The following STAG1 variants were observed in gnomAD, a reference collection of about 807,000 sequenced individuals.
STAG1 encodes the protein STAG1 cohesin complex component, also known as cohesin subunit SA-1.
In STAG1, 26 loss-of-function variants were observed where a neutral mutation model predicts 170.9. That is an observed-to-expected ratio of 0.15 (90% CI 0.11 to 0.21). The LOEUF is 0.21. STAG1 is among the 10% of genes least tolerant of loss of function. The pLI is 1.00. For synonymous variants in STAG1, 514 were observed against 497.7 expected, an observed-to-expected ratio of 1.03 and a Z score of -0.44; for missense variants, 964 against 1,509.5, an observed-to-expected ratio of 0.64 and a Z score of 5.99.
rs570599585 is a variant in STAG1, at chr3:136,685,071, T to C, written c.-83-54090A>G. Among the ~76,000 whole-genome samples the C allele has an allele frequency of 5.5e-4, 84 of 152,222 alleles. No individual in the cohort carries two copies. In the Middle Eastern group the frequency reaches 0.01, roughly 18 times the overall value. On this transcript the variant is annotated intron_variant, in intron 1 of 33. Coordinates refer to ENST00000383202, the MANE Select transcript of STAG1 (RefSeq NM_005862.3). ...GGCTCACGCCTGTAATCCCAGCACT[T>C]TGGGAAGCCAAGGCAGGTGGATCAC...
At chr3:136,549,907 TTGTC>T (rs1384308485) in intron 5 of STAG1, among the ~76,000 whole-genome samples, 3 of 152,218 alleles carry the variant, frequency 2.0e-5, no homozygotes, top group Admixed American at 6.5e-5. Flanking sequence ...ATAAAACTCT[TTGTC>T]TGGTATCTAC....
chr3:136,551,413 C>G (rs956182342), intron 5 of STAG1, among the ~76,000 whole-genome samples: 2 of 140,182 alleles, frequency 1.4e-5, no homozygotes, highest in African/African-American at 5.3e-5. Context: ...AGGCAGGCAT[C>G]AATACATCTG....
intron 1 of STAG1, among the ~76,000 whole-genome samples, chr3:136,731,329 G>A (rs929825682): frequency 1.3e-5 from 2 of 151,982 alleles, no homozygotes; most frequent in South Asian, 4.1e-4. Context: ...TCTTTTGTAA[G>A]AATTAGAAAA....
At chr3:136,657,033 T>C (rs919270734) in intron 1 of STAG1, among the ~76,000 whole-genome samples, 5 of 151,786 alleles carry the variant, frequency 3.3e-5, no homozygotes, top group African/African-American at 1.2e-4. Context: ...AACAATGTCC[T>C]ATAAATGGAG....
intron 4 of STAG1, among the ~76,000 whole-genome samples, chr3:136,573,755 G>A (rs1044649843): frequency 1.3e-5 from 2 of 151,944 alleles, no homozygotes; most frequent in African/African-American, 2.4e-5. Context: ...GGCGGATCAC[G>A]AGGTCAGGAG....
chr3:136,376,335 T>C (rs1021347324), intron 23 of STAG1, among the ~76,000 whole-genome samples: 6 of 152,200 alleles, frequency 3.9e-5, no homozygotes, highest in African/African-American at 9.7e-5. Context: ...TTTTAAAAAA[T>C]AGTTTACAAA....
chr3:136,428,276 C>CT (rs200107272), intron 16 of STAG1, among the ~76,000 whole-genome samples: 2 of 152,130 alleles, frequency 1.3e-5, no homozygotes, highest in South Asian at 2.1e-4. Flanking sequence ...AGCTGCCTGT[C>CT]TTTTTTTGCC....
At chr3:136,587,477 T>C (rs944883659) in intron 4 of STAG1, among the ~76,000 whole-genome samples, 2 of 137,576 alleles carry the variant, frequency 1.5e-5, no homozygotes, top group African/African-American at 2.7e-5. Flanking sequence ...AAGGTGGAGG[T>C]TGCAGGGAGC....
At chr3:136,560,920 T>C (rs1359729538) in intron 5 of STAG1, among the ~76,000 whole-genome samples, 2 of 152,144 alleles carry the variant, frequency 1.3e-5, no homozygotes, top group Non-Finnish European at 2.9e-5. Flanking sequence ...AGCCGGGAAC[T>C]TGGGTGGGGA....
intron 13 of STAG1, among the ~76,000 whole-genome samples, chr3:136,462,305 C>T (rs955522499): frequency 2.0e-5 from 3 of 152,054 alleles, no homozygotes; most frequent in Non-Finnish European, 4.4e-5. Flanking sequence ...TGTTCACCAG[C>T]GTTTGAATGG....
At chr3:136,542,557 C>A (rs1288154089) in intron 5 of STAG1, among the ~76,000 whole-genome samples, 1 of 151,146 alleles carries the variant, frequency 6.6e-6, no homozygotes, top group African/African-American at 2.4e-5. Flanking sequence ...GCCAAAACTA[C>A]AAATTTACAT....
At chr3:136,426,148 C>T (rs968016329) in intron 16 of STAG1, among the ~76,000 whole-genome samples, 3 of 151,778 alleles carry the variant, frequency 2.0e-5, no homozygotes, top group Non-Finnish European at 2.9e-5. Context: ...TGGCTCATGC[C>T]TGTAATCCCA....
At chr3:136,517,733 C>T (rs1559853282) in intron 7 of STAG1, among the ~76,000 whole-genome samples, 1 of 151,918 alleles carries the variant, frequency 6.6e-6, no homozygotes, top group Non-Finnish European at 1.5e-5. Context: ...ATGTTTCTTA[C>T]ATAAATTAAA....
chr3:136,366,657 CAAG>C (rs1272225127), intron 25 of STAG1, among the ~76,000 whole-genome samples: 3 of 152,232 alleles, frequency 2.0e-5, no homozygotes, highest in East Asian at 1.9e-4. Flanking sequence ...CAGGCCACAT[CAAG>C]AAGGTCTCTG....
intron 15 of STAG1, among the ~76,000 whole-genome samples, chr3:136,438,528 T>C (rs991335703): frequency 6.6e-6 from 1 of 152,070 alleles, no homozygotes; most frequent in Admixed American, 6.6e-5. Context: ...CCTGGTTGCC[T>C]TATCATTTAG....
chr3:136,662,461 T>C (rs966249569), intron 1 of STAG1, among the ~76,000 whole-genome samples: 5 of 152,110 alleles, frequency 3.3e-5, no homozygotes, highest in Non-Finnish European at 7.4e-5. Flanking sequence ...CTTAGACTCT[T>C]TGAGACAGGG....
At chr3:136,605,913 C>T (rs1576658452) in intron 3 of STAG1, among the ~76,000 whole-genome samples, 1 of 152,164 alleles carries the variant, frequency 6.6e-6, no homozygotes, top group South Asian at 2.1e-4. Context: ...TTTGCTTTTA[C>T]TGTGTTTCTG....
chr3:136,495,607 T>C (rs374035353), intron 9 of STAG1, among the ~76,000 whole-genome samples: 2 of 151,868 alleles, frequency 1.3e-5, no homozygotes, highest in Non-Finnish European at 2.9e-5. Context: ...CCAAGGTGGG[T>C]GGATCACTTG....
intron 16 of STAG1, among the ~76,000 whole-genome samples, chr3:136,431,753 T>C (rs537913869): frequency 3.9e-5 from 6 of 152,356 alleles, no homozygotes; most frequent in Admixed American, 6.5e-5. Context: ...CACTGTCTTC[T>C]GGACTCCACT....
Sources: allele counts gnomAD v4.1 joint callset (sites outside exome capture counted in the v4.1 genomes callset), GRCh38; gene constraint gnomAD v4.1.1; transcripts MANE v1.5; gene names NCBI Gene and HGNC (gene_info 2026-07-23, HGNC 2026-07-21).